Variants in DGKZ observed in about 807,000 individuals in gnomAD.
DGKZ encodes the protein DAG kinase zeta.
In DGKZ, 45 loss-of-function variants were observed where a neutral mutation model predicts 142.5. The ratio of observed to expected loss-of-function variants is 0.32; its 90% CI spans 0.25 to 0.40. DGKZ has a LOEUF of 0.40. Ranked by LOEUF, DGKZ falls within the 10% of genes least tolerant of loss-of-function variation. The pLI is 1.00. For synonymous variants in DGKZ, 442 were observed against 527.0 expected, an observed-to-expected ratio of 0.84 and a Z score of 2.21; for missense variants, 755 against 1,306.5, an observed-to-expected ratio of 0.58 and a Z score of 6.51.
intron 18 of DGKZ, 30 bp from the exon 19 acceptor site, chr11:46,374,904 T>C: frequency 6.4e-7 from 1 of 1,573,534 alleles, no homozygotes; most frequent in African/African-American, 1.3e-5. Flanking sequence ...GACTGTGTTT[T>C]GAGGCCCATG....
intron 6 of DGKZ, 88 bp downstream of exon 6, chr11:46,370,097 C>A: frequency 6.5e-7 from 1 of 1,535,234 alleles, no homozygotes; most frequent in Non-Finnish European, 9.0e-7. Context: ...CGATCACTGA[C>A]CACACCCTGG....
exon 20 of DGKZ, chr11:46,375,438 C>G: frequency 2.5e-6 from 4 of 1,573,044 alleles, no homozygotes; most frequent in Non-Finnish European, 3.4e-6. Context: ...ACAGGCCGCG[C>G]TGCAGGTGGG....
rs146368494 is a variant in DGKZ at position 46,378,164 on chromosome 11, G to T, written c.2343-34G>T. On this transcript the variant is annotated intron_variant, in intron 25 of 30. Coordinates refer to ENST00000527911, the Ensembl canonical transcript of DGKZ. ...GGAGGGCGACCAGCTGGCCTGTGCC[G>T]TAGCCGGTCACAGCACATCATGCTC... 3,770 of 1,601,604 alleles carry T rather than the reference G, an allele frequency of 2.4e-3. 21 individuals carry two copies. Among genetic ancestry groups the T allele is most frequent in the Non-Finnish European group, 2.2e-3 (2,581 of 1,174,618 alleles).
chr11:46,357,641 C>T (rs764594147), intron 1 of DGKZ, among the ~76,000 whole-genome samples: 31 of 152,254 alleles, frequency 2.0e-4, no homozygotes, highest in Non-Finnish European at 3.8e-4. Context: ...GGCACCATGC[C>T]GGGCATGCCC....
chr11:46,377,002 C>A, intron 24 of DGKZ, 71 bp from the exon 25 acceptor site: 1 of 1,403,968 alleles, frequency 7.1e-7, no homozygotes, highest in South Asian at 1.2e-5. Context: ...TTCTCCAGGT[C>A]TACCAGCCTT....
At chr11:46,375,260 C>T (rs1279312905) in intron 19 of DGKZ, among the ~76,000 whole-genome samples, 172 bp from the exon 20 acceptor site, 2 of 152,224 alleles carry the variant, frequency 1.3e-5, no homozygotes, top group East Asian at 1.9e-4. Flanking sequence ...CCCTCATTGC[C>T]TCTGTCCCTT....
exon 6 of DGKZ, chr11:46,369,953 C>T (rs772592904): frequency 2.5e-6 from 4 of 1,613,794 alleles, no homozygotes; most frequent in Non-Finnish European, 3.4e-6. Context: ...AACCTTTGTA[C>T]GGCACCACTG....
chr11:46,352,752 G>A (rs1941566493), intron 1 of DGKZ, among the ~76,000 whole-genome samples: 2 of 152,180 alleles, frequency 1.3e-5, no homozygotes, highest in South Asian at 4.1e-4. Flanking sequence ...TCCGCTCCCC[G>A]AGTTCCTGGG....
chr11:46,339,732 G>C (rs1271452292), intron 1 of DGKZ, among the ~76,000 whole-genome samples: 1 of 152,236 alleles, frequency 6.6e-6, no homozygotes, highest in African/African-American at 2.4e-5. Context: ...TTATTTGGTG[G>C]CCTGCTGAGA....
intron 1 of DGKZ, chr11:46,361,679 C>G (rs1942668288): frequency 1.0e-6 from 1 of 985,408 alleles, no homozygotes; most frequent in African/African-American, 1.7e-5. Flanking sequence ...GACCCCAGCT[C>G]CCACCTGCGC....
At chr11:46,335,013 G>A (rs1230554765) in intron 1 of DGKZ, among the ~76,000 whole-genome samples, 1 of 152,164 alleles carries the variant, frequency 6.6e-6, no homozygotes, top group African/African-American at 2.4e-5. Flanking sequence ...CTGTGGGTCA[G>A]AGACAAATCA....
intron 1 of DGKZ, among the ~76,000 whole-genome samples, chr11:46,351,599 CTG>C (rs1941391035): frequency 6.6e-6 from 1 of 152,160 alleles, no homozygotes; most frequent in South Asian, 2.1e-4. Flanking sequence ...GCCAGGGTGT[CTG>C]GGAGCGAAAG....
At chr11:46,353,702 G>A (rs568140327) in intron 1 of DGKZ, among the ~76,000 whole-genome samples, 4 of 152,316 alleles carry the variant, frequency 2.6e-5, no homozygotes, top group Non-Finnish European at 4.4e-5. Context: ...CTCGTACCCA[G>A]TGCCTCATGG....
At position 46,355,504 on chromosome 11, in the gene DGKZ, G is replaced by A. The variant is rs541750949; in HGVS notation, c.161+7684G>A. On this transcript the variant is annotated intron_variant, in intron 1 of 30. Transcript: ENST00000527911. ...TGCAACACTCCCTTGAGAGAGACGA[G>A]GGTGGGCATTAGCCCTATTTATCAG... Among the ~76,000 whole-genome samples the A allele has an allele frequency of 5.3e-5, 8 of 152,336 alleles. No individual in the cohort carries two copies. In the East Asian group the frequency reaches 1.5e-3, roughly 29 times the overall value.
chr11:46,346,175 C>T (rs772290626), upstream of DGKZ, among the ~76,000 whole-genome samples: 4 of 152,190 alleles, frequency 2.6e-5, no homozygotes, highest in Admixed American at 6.5e-5. Context: ...CAGGCTTGTC[C>T]GCAGGTCACA....
At position 46,367,097 on chromosome 11, in the gene DGKZ, G is replaced by A; in HGVS notation, c.162-194G>A. The A allele has an allele frequency of 7.3e-7, 1 of 1,376,652 alleles. No homozygotes were observed. The highest frequency in any genetic ancestry group is 1.4e-5 in the South Asian group (1 of 72,400). The allele number at this position is 1,376,652 out of a possible 1,614,324, so 85.3% of individuals were successfully genotyped here. The stretch of plus-strand genomic sequence containing the variant: ...GGGTTCCCCACTTGGGAACACTCTG[G>A]GCAGTACCCTGAAGCCAGCGTACCC... On this transcript the variant is annotated intron_variant, in intron 1 of 30. Transcript: ENST00000527911. This position sits in a 1 kb window ranked among gnomAD's most constrained non-coding sequence, Gnocchi z 4.1.
intron 5 of DGKZ, 115 bp from the exon 6 acceptor site, chr11:46,369,826 G>A: frequency 1.7e-6 from 2 of 1,146,240 alleles, no homozygotes; most frequent in Non-Finnish European, 2.6e-6. Flanking sequence ...CTCCACTCAT[G>A]CGCAGGACTG....
chr11:46,356,048 G>C (rs1159757126), intron 1 of DGKZ, among the ~76,000 whole-genome samples: 1 of 152,172 alleles, frequency 6.6e-6, no homozygotes, highest in East Asian at 1.9e-4. Context: ...CCCGGCCAGG[G>C]TGTTAATATT....
At chr11:46,377,741 CTCTCT>C (rs961883870) in intron 25 of DGKZ, 1 of 257,674 alleles carries the variant, frequency 3.9e-6, no homozygotes, top group Non-Finnish European at 7.5e-6. Context: ...TCCTGCCCCA[CTCTCT>C]TCTCTTGGTT....
Sources: allele counts gnomAD v4.1 joint callset (sites outside exome capture counted in the v4.1 genomes callset), GRCh38; gene constraint gnomAD v4.1.1; non-coding constraint Gnocchi (gnomAD v3.1); transcripts MANE v1.5; gene names NCBI Gene and HGNC (gene_info 2026-07-23, HGNC 2026-07-21).